CLDN14: variants seen among roughly 807,000 people sequenced by gnomAD.
The protein encoded by CLDN14 is claudin-14.
In CLDN14, 2 loss-of-function variants were observed where a neutral mutation model predicts 2.1. That is an observed-to-expected ratio of 0.96 (90% CI 0.39 to 3.01). The LOEUF (loss-of-function observed/expected upper bound fraction) is 3.01, where lower values mean the gene tolerates loss of function less well. Ranked by LOEUF, CLDN14 falls within the 30% of genes most tolerant of loss-of-function variation. CLDN14 has a pLI of 0.09. For synonymous variants in CLDN14, 136 were observed against 154.4 expected (o/e 0.88, Z 0.88); for missense variants, 298 against 328.0 (o/e 0.91, Z 0.71).
chr21:36,547,505 C>T (rs961344039), intron 1 of CLDN14, among the ~76,000 whole-genome samples: 3 of 152,194 alleles, frequency 2.0e-5, no homozygotes. Context: ...GCCTGTCAGA[C>T]ACCTAGTGTG....
intron 1 of CLDN14, among the ~76,000 whole-genome samples, chr21:36,478,077 A>T (rs1403703527): frequency 2.0e-5 from 3 of 152,228 alleles, no homozygotes; most frequent in African/African-American, 7.2e-5. Context: ...TGATTTTTTT[A>T]AAAACAATAA....
upstream of CLDN14, among the ~76,000 whole-genome samples, chr21:36,482,452 A>ATG (rs2086858768): frequency 2.6e-5 from 3 of 114,702 alleles, no homozygotes; most frequent in Non-Finnish European, 3.7e-5. Flanking sequence ...ATGGATGGAT[A>ATG]GATGGATGGA....
At chr21:36,523,819 GAA>G in intron 1 of CLDN14, among the ~76,000 whole-genome samples, 1 of 145,066 alleles carries the variant, frequency 6.9e-6, no homozygotes, top group Admixed American at 6.9e-5. Context: ...AAGAAAGAAA[GAA>G]AGAAAGAAAG....
chr21:36,539,720 T>TGTGTG (rs2087468501), intron 1 of CLDN14, among the ~76,000 whole-genome samples: 1 of 148,236 alleles, frequency 6.7e-6, no homozygotes, highest in South Asian at 2.2e-4. Context: ...ACGGTGTTAG[T>TGTGTG]GTGTGTGGAG....
intron 1 of CLDN14, among the ~76,000 whole-genome samples, chr21:36,473,093 G>A (rs745493712): frequency 6.6e-6 from 1 of 152,188 alleles, no homozygotes. Flanking sequence ...GTGATCCTGG[G>A]TCTCCAAACT....
chr21:36,496,474 C>T (rs895918177), intron 2 of CLDN14, among the ~76,000 whole-genome samples: 5 of 149,408 alleles, frequency 3.3e-5, no homozygotes, highest in African/African-American at 7.4e-5. Flanking sequence ...GTTTCTAGAG[C>T]CTGTGCTCTA....
chr21:36,557,995 T>C (rs149293835), intron 1 of CLDN14, among the ~76,000 whole-genome samples: 1 of 152,302 alleles, frequency 6.6e-6, no homozygotes, highest in East Asian at 1.9e-4. Flanking sequence ...CTTTTGCTTG[T>C]GGATATGTAG....
intron 1 of CLDN14, among the ~76,000 whole-genome samples, chr21:36,513,214 A>G (rs940217465): frequency 6.6e-6 from 1 of 152,208 alleles, no homozygotes; most frequent in Non-Finnish European, 1.5e-5. Context: ...GGAACTGTCC[A>G]GGGGGCTGCT....
intron 2 of CLDN14, among the ~76,000 whole-genome samples, chr21:36,502,615 A>C (rs1462657370): frequency 6.6e-6 from 1 of 152,232 alleles, no homozygotes; most frequent in Non-Finnish European, 1.5e-5. Flanking sequence ...TGTTCACTTC[A>C]AATAATGTTG....
At chr21:36,493,656 G>A (rs565364923) in intron 2 of CLDN14, among the ~76,000 whole-genome samples, 7 of 152,262 alleles carry the variant, frequency 4.6e-5, no homozygotes, top group East Asian at 1.9e-4. Flanking sequence ...CCGCACACTT[G>A]TCATAGTCTC....
rs372063672 is a variant in CLDN14, at chr21:36,528,257, C to T, written c.-219-17757G>A. Among the ~76,000 whole-genome samples, 47 of 152,236 alleles carry T rather than the reference C, an allele frequency of 3.1e-4. No homozygotes were observed. The East Asian group carries it at 4.6e-3, about 15-fold the overall frequency. On this transcript the variant is annotated intron_variant, in intron 1 of 2. Coordinates refer to the CLDN14 transcript ENST00000342108. ...CAGTTTTTCAGCCCTTAACATGTGCCAGGCAGTGTGGTTAGGGTATTCCAT... is the reference window on the plus strand; with the variant it reads ...CAGTTTTTCAGCCCTTAACATGTGCTAGGCAGTGTGGTTAGGGTATTCCAT...
Position 36,535,246 on chromosome 21 carries a change from T to G in CLDN14, c.-219-24746A>C, listed in dbSNP as rs181460544. Among the ~76,000 whole-genome samples the G allele has an allele frequency of 4.9e-3, 750 of 151,992 alleles. 2 individuals carry two copies. The highest frequency in any genetic ancestry group is 6.2e-3 in the Non-Finnish European group (423 of 67,940). ...CTCTACTAAAAATACAAAAATTAGC[T>G]GGGGGTGGTGGCAGGTGCCTATAGT... On this transcript the variant is annotated intron_variant, in intron 1 of 2. Coordinates refer to the CLDN14 transcript ENST00000342108.
chr21:36,489,130 AAAT>A (rs1266657180), intron 2 of CLDN14, among the ~76,000 whole-genome samples: 1,017 of 97,572 alleles, frequency 0.01, 3 homozygotes, highest in Admixed American at 0.027. Flanking sequence ...AAAAAAAAAA[AAAT>A]ATATATATAT....
At chr21:36,512,342 A>C (rs1285409185) in intron 1 of CLDN14, among the ~76,000 whole-genome samples, 1 of 152,186 alleles carries the variant, frequency 6.6e-6, no homozygotes, top group East Asian at 1.9e-4. Context: ...CAGAAGTGCT[A>C]AGAGAAGATT....
At position 36,523,804 on chromosome 21, in the gene CLDN14, AAAG is replaced by A. The variant is rs1284364635; in HGVS notation, c.-219-13307_-219-13305del. ...GAGAGAAAGAAAGAAAGAAAGAAAGAAAGAAAGAAAGAAAGAAAGAAAGAAAGA... is the reference window on the plus strand; with the variant it reads ...GAGAGAAAGAAAGAAAGAAAGAAAGAAAAGAAAGAAAGAAAGAAAGAAAGA... On this transcript the variant is annotated intron_variant, in intron 1 of 2. Coordinates refer to the CLDN14 transcript ENST00000342108. Among the ~76,000 whole-genome samples the A allele has an allele frequency of 2.2e-5, 3 of 134,286 alleles. 1 individual carries two copies. The East Asian group carries it at 6.1e-4, about 28-fold the overall frequency. The allele number at this position is 134,286 out of a possible 152,430, so 88.1% of individuals were successfully genotyped here.
chr21:36,483,231 C>T (rs531421891), upstream of CLDN14, among the ~76,000 whole-genome samples: 3 of 152,342 alleles, frequency 2.0e-5, no homozygotes, highest in Non-Finnish European at 2.9e-5. Flanking sequence ...GCTCCTTGCA[C>T]GGCCAGGTGG....
intron 1 of CLDN14, among the ~76,000 whole-genome samples, chr21:36,465,037 G>T (rs1418407396): frequency 6.6e-6 from 1 of 152,170 alleles, no homozygotes; most frequent in East Asian, 1.9e-4. Flanking sequence ...CTTTGCTAGG[G>T]ACTGAGGGGT....
At position 36,503,924 on chromosome 21, in the gene CLDN14, T is replaced by A. The variant is rs148790454; in HGVS notation, c.-82+6439A>T. ...GAATGGCATCCTACAAAGTTTTATA[T>A]GAAAAATTATATTTTGATGAAATTA... On this transcript the variant is annotated intron_variant, in intron 2 of 2. Transcript: ENST00000342108. 6.2e-3 allele frequency among the ~76,000 whole-genome samples: 938 copies of A among 151,762 alleles called. 12 individuals carry two copies. The highest frequency in any genetic ancestry group is 0.01 in the Middle Eastern group (3 of 294).
intron 2 of CLDN14, among the ~76,000 whole-genome samples, chr21:36,490,240 G>A (rs963425028): frequency 2.0e-5 from 3 of 152,112 alleles, no homozygotes; most frequent in Non-Finnish European, 2.9e-5. Flanking sequence ...ATCTTGCCCT[G>A]TTGCCCAAGC....
Sources: allele counts gnomAD v4.1 joint callset (sites outside exome capture counted in the v4.1 genomes callset), GRCh38; gene constraint gnomAD v4.1.1; transcripts MANE v1.5; gene names NCBI Gene and HGNC (gene_info 2026-07-23, HGNC 2026-07-21).